Variants in KIAA1549 observed in about 807,000 individuals in gnomAD.
The protein encoded by KIAA1549 is UPF0606 protein KIAA1549.
KIAA1549 carries 70 observed loss-of-function variants against 156.4 expected under a neutral mutation model. That is an observed-to-expected ratio of 0.45 (90% CI 0.37 to 0.55). The LOEUF (loss-of-function observed/expected upper bound fraction) is 0.55, where lower values mean the gene tolerates loss of function less well. Ranked by LOEUF, KIAA1549 falls within the 20% of genes least tolerant of loss-of-function variation. KIAA1549 has a pLI of 0.00. For synonymous variants in KIAA1549, 1,103 were observed against 1,066.4 expected, an observed-to-expected ratio of 1.03 and a Z score of -0.67; for missense variants, 2,428 against 2,540.9, an observed-to-expected ratio of 0.96 and a Z score of 0.96.
At chr7:138,971,020 T>C (rs1162975329) in intron 1 of KIAA1549, among the ~76,000 whole-genome samples, 1 of 152,212 alleles carries the variant, frequency 6.6e-6, no homozygotes, top group East Asian at 1.9e-4. Flanking sequence ...AGGAAACCAC[T>C]AGGAGTGAGG....
intron 10 of KIAA1549, among the ~76,000 whole-genome samples, chr7:138,885,025 A>T (rs965400261): frequency 6.6e-6 from 1 of 152,144 alleles, no homozygotes; most frequent in South Asian, 2.1e-4. Context: ...GAGAAACCTC[A>T]TCTCTACTAA....
Position 138,911,202 on chromosome 7 carries a change from A to T in KIAA1549, c.3089T>A (p.Ile1030Asn). The T allele has an allele frequency of 6.3e-7, 1 of 1,599,440 alleles. No homozygotes were observed. The highest frequency in any genetic ancestry group is 8.5e-7 in the Non-Finnish European group (1 of 1,172,500). The change falls in exon 4 of 20, where the codon ATC becomes AAC. Residue 1030 changes from isoleucine (I) to asparagine (N), a missense_variant. Transcript: ENST00000422774. The stretch of plus-strand genomic sequence containing the variant: ...AAGGAAAGAAGGTTTCACAGACAGG[A>T]TTAAAGGAGTCTGGTCACGGACAAG... The part of the protein sequence containing the change: ...SKLVRDQTPL[I>N]LSVKPSFLVP...
chr7:138,966,882 T>C (rs1814040681), intron 1 of KIAA1549, among the ~76,000 whole-genome samples: 4 of 152,128 alleles, frequency 2.6e-5, no homozygotes, highest in Admixed American at 2.6e-4. Context: ...GACACCTTGA[T>C]CTTGGACTCC....
chr7:138,924,669 T>C (rs1368610496), intron 1 of KIAA1549, among the ~76,000 whole-genome samples: 1 of 152,112 alleles, frequency 6.6e-6, no homozygotes, highest in Non-Finnish European at 1.5e-5. Flanking sequence ...TTTTTTTCTT[T>C]CTTTCTCTCT....
rs10686011 is a variant in KIAA1549, at chr7:138,910,700, A to ATTTTTT, written c.3145+440_3145+445dup. ...GGCATGAGCCATCGCACTTGGTCTAATTTTTTTTTTTTTTTTTTTTGTAGA... is the reference window on the plus strand; with the variant it reads ...GGCATGAGCCATCGCACTTGGTCTAATTTTTTTTTTTTTTTTTTTTTTTTTTGTAGA... On this transcript the variant is annotated intron_variant, in intron 4 of 19. Transcript: ENST00000422774. Among the ~76,000 whole-genome samples the ATTTTTT allele has an allele frequency of 1.3e-3, 144 of 112,014 alleles. 2 individuals carry two copies. The highest frequency in any genetic ancestry group is 2.6e-3 in the African/African-American group (67 of 26,156). 73.5% of individuals were successfully genotyped at this position (112,014 alleles called of 152,430 possible).
Position 138,835,871 on chromosome 7 carries a change from T to C in KIAA1549, c.*2035A>G, listed in dbSNP as rs573875293. The C allele has an allele frequency of 1.2e-4, 27 of 220,088 alleles. No homozygotes were observed. Among genetic ancestry groups the C allele is most frequent in the African/African-American group, 5.6e-4 (25 of 44,738 alleles). 13.6% of individuals were successfully genotyped at this position (220,088 alleles called of 1,614,324 possible). On this transcript the variant is annotated 3_prime_UTR_variant, in exon 20 of 20. Coordinates refer to ENST00000422774, the MANE Select transcript of KIAA1549 (RefSeq NM_001164665.2). The stretch of plus-strand genomic sequence containing the variant: ...CTGATAAGATGCTGCTGGTCCTTTG[T>C]TGAACGTCCTTGAGAGACTTACTCT...
At chr7:138,894,568 A>T in intron 9 of KIAA1549, 42 bp from the exon 10 acceptor site, 1 of 1,590,926 alleles carries the variant, frequency 6.3e-7, no homozygotes, top group Non-Finnish European at 8.6e-7. Context: ...TTCCTTCTTC[A>T]CTCATGCACT....
Position 138,914,239 on chromosome 7 carries a change from A to T in KIAA1549, c.2879-1779T>A, listed in dbSNP as rs141898675. ...ACCATGACCTCCACTTTCTCCAGAG[A>T]ATCTGAGAAAGCTATAAAACTGCAA... is the stretch of plus-strand genomic sequence containing the variant. On this transcript the variant is annotated intron_variant, in intron 2 of 19. Coordinates refer to ENST00000422774, the MANE Select transcript of KIAA1549 (RefSeq NM_001164665.2). 9.8e-5 allele frequency among the ~76,000 whole-genome samples: 15 copies of T among 152,320 alleles called. No homozygotes were observed. The East Asian group carries it at 2.9e-3, about 29-fold the overall frequency.
intron 1 of KIAA1549, among the ~76,000 whole-genome samples, chr7:138,964,847 T>C (rs1160002600): frequency 6.6e-6 from 1 of 152,232 alleles, no homozygotes; most frequent in Non-Finnish European, 1.5e-5. Context: ...AATATGTGCA[T>C]ACTGCCTAGT....
Position 138,919,143 on chromosome 7 carries a change from C to A in KIAA1549, c.483G>T (p.Leu161=). 1 of 1,614,022 alleles carries A rather than the reference C, an allele frequency of 6.2e-7. No homozygotes were observed. Among genetic ancestry groups the A allele is most frequent in the South Asian group, 1.1e-5 (1 of 91,086 alleles). The change falls in exon 2 of 20, where the codon CTG becomes CTT. Residue 161 remains leucine (L), a synonymous_variant. Transcript: ENST00000422774. ...GTGGAGTGGTCCAGTGAGTATCTGGCAGAAAGTTATCCATCTCATCGTCAT... is the reference window on the plus strand; with the variant it reads ...GTGGAGTGGTCCAGTGAGTATCTGGAAGAAAGTTATCCATCTCATCGTCAT... ...AVNDDEMDNF[L]PDTHWTTPRM...
rs138448203 is a variant in KIAA1549, at chr7:138,867,604, C to T, written c.4929+371G>A. Among the ~76,000 whole-genome samples, 331 of 152,116 alleles carry T rather than the reference C, an allele frequency of 2.2e-3. 2 individuals carry two copies. Among genetic ancestry groups the T allele is most frequent in the Non-Finnish European group, 4.1e-3 (276 of 67,966 alleles). ...ACAACAAAACCAAATAACCCTCTGA[C>T]TAGGGAGAAGGAAAAAAACCTTGAG... On this transcript the variant is annotated intron_variant, in intron 15 of 19. Coordinates refer to ENST00000422774, the MANE Select transcript of KIAA1549 (RefSeq NM_001164665.2).
chr7:138,937,537 C>G (rs1023663985), intron 1 of KIAA1549, among the ~76,000 whole-genome samples: 1 of 152,144 alleles, frequency 6.6e-6, no homozygotes, highest in South Asian at 2.1e-4. Flanking sequence ...TAATGATGAA[C>G]AGAGAAGACT....
intron 1 of KIAA1549, among the ~76,000 whole-genome samples, chr7:138,943,104 C>G (rs150345719): frequency 7.2e-5 from 11 of 152,334 alleles, no homozygotes; most frequent in Admixed American, 5.9e-4. Flanking sequence ...AGGCAGCCTG[C>G]TAGACCCACA....
chr7:138,883,882 C>T (rs780245130), intron 10 of KIAA1549, among the ~76,000 whole-genome samples: 6 of 152,132 alleles, frequency 3.9e-5, no homozygotes, highest in Admixed American at 2.6e-4. Context: ...TGGTGTACAC[C>T]GCCTAAAATA....
rs78589388 is a variant in KIAA1549, at chr7:138,967,678, T to C, written c.187+13405A>G. On this transcript the variant is annotated intron_variant, in intron 1 of 19. Transcript: ENST00000422774. ...GCCCAGTCTCCCAGCCCATCCTCCA[T>C]TAAACAGCTGTCCAGGAGAAAAAAA... Among the ~76,000 whole-genome samples, 551 of 152,088 alleles carry C rather than the reference T, an allele frequency of 3.6e-3. 3 individuals are homozygous for C. Among genetic ancestry groups the C allele is most frequent in the African/African-American group, 0.013 (535 of 41,482 alleles).
chr7:138,946,603 AC>A (rs1469661463), intron 1 of KIAA1549, among the ~76,000 whole-genome samples: 1 of 152,026 alleles, frequency 6.6e-6, no homozygotes, highest in Non-Finnish European at 1.5e-5. Context: ...AACATGAAGA[AC>A]CCCGTCTCTA....
intron 10 of KIAA1549, among the ~76,000 whole-genome samples, chr7:138,884,297 G>A (rs1426012907): frequency 6.6e-6 from 1 of 151,174 alleles, no homozygotes; most frequent in Non-Finnish European, 1.5e-5. Context: ...CTTGCGCTTT[G>A]AAATATCTGT....
chr7:138,963,929 T>C (rs1813933136), intron 1 of KIAA1549, among the ~76,000 whole-genome samples: 1 of 152,008 alleles, frequency 6.6e-6, no homozygotes, highest in South Asian at 2.1e-4. Flanking sequence ...GGCAAGAAAA[T>C]GTCACTCAGT....
intron 1 of KIAA1549, among the ~76,000 whole-genome samples, chr7:138,947,318 A>G (rs1813367518): frequency 6.6e-6 from 1 of 152,140 alleles, no homozygotes; most frequent in Admixed American, 6.5e-5. Flanking sequence ...TCAGTACATC[A>G]CTTAATTTCC....
Sources: gnomAD v4.1 joint callset for allele counts (sites outside exome capture counted in the v4.1 genomes callset) on GRCh38, gnomAD v4.1.1 for gene constraint, MANE v1.5 for transcripts, NCBI Gene and HGNC (gene_info 2026-07-23, HGNC 2026-07-21) for gene names.